Variants in PRKAA2 observed in about 807,000 individuals in gnomAD.
PRKAA2 encodes the protein protein kinase AMP-activated catalytic subunit alpha 2, also known as 5'-AMP-activated protein kinase catalytic subunit alpha-2.
A neutral mutation model predicts 56.3 loss-of-function variants in PRKAA2; 40 were observed. The ratio of observed to expected loss-of-function variants is 0.71; its 90% CI spans 0.55 to 0.92. The LOEUF is 0.92. PRKAA2 is among the 40% of genes least tolerant of loss of function. The pLI, the probability that PRKAA2 is intolerant of heterozygous loss-of-function variation, is 0.00. For synonymous variants in PRKAA2, 214 were observed against 234.2 expected, an observed-to-expected ratio of 0.91 and a Z score of 0.79; for missense variants, 542 against 686.9, an observed-to-expected ratio of 0.79 and a Z score of 2.36.
chr1:56,707,396 TC>T, intron 8 of PRKAA2, 78 bp from the exon 9 acceptor site: 2 of 1,197,784 alleles, frequency 1.7e-6, no homozygotes, highest in Non-Finnish European at 1.2e-6. Context: ...TACTTAATAT[TC>T]TGAATATCAT....
At chr1:56,658,588 C>CCT (rs1491216536) in intron 1 of PRKAA2, among the ~76,000 whole-genome samples, 1 of 33,194 alleles carries the variant, frequency 3.0e-5, no homozygotes, top group Non-Finnish European at 5.8e-5. Flanking sequence ...TTTTTTTCTT[C>CCT]CCCCCCCCCG....
chr1:56,687,630 A>T (rs1343230905), intron 2 of PRKAA2, among the ~76,000 whole-genome samples: 1 of 152,152 alleles, frequency 6.6e-6, no homozygotes, highest in African/African-American at 2.4e-5. Flanking sequence ...ATTAAATAAA[A>T]GGTCATTCAT....
intron 1 of PRKAA2, among the ~76,000 whole-genome samples, chr1:56,671,912 C>T (rs376166052): frequency 7.2e-5 from 11 of 152,150 alleles, no homozygotes; most frequent in Non-Finnish European, 7.3e-5. Context: ...ACATAATAAA[C>T]AATAAATGTC....
intron 1 of PRKAA2, among the ~76,000 whole-genome samples, chr1:56,647,573 C>T (rs1646653330): frequency 6.6e-6 from 1 of 152,156 alleles, no homozygotes; most frequent in Non-Finnish European, 1.5e-5. Flanking sequence ...GAACCTCTGT[C>T]CAATGAACAA....
rs574051921 is a variant in PRKAA2, at chr1:56,683,604, A to G, written c.237-7790A>G. 1.4e-4 allele frequency among the ~76,000 whole-genome samples: 21 copies of G among 152,238 alleles called. 2 individuals are homozygous for G. The South Asian group carries it at 2.7e-3, about 20-fold the overall frequency. ...CAAAATCCTTGCTATTATAGAGATT[A>G]TATTAGTGTGTGGTGGAGGGGTGGT... On this transcript the variant is annotated intron_variant, in intron 2 of 8. Coordinates refer to ENST00000371244, the MANE Select transcript of PRKAA2 (RefSeq NM_006252.4).
chr1:56,656,803 C>T (rs993438029), intron 1 of PRKAA2, among the ~76,000 whole-genome samples: 3 of 152,162 alleles, frequency 2.0e-5, no homozygotes, highest in Non-Finnish European at 4.4e-5. Flanking sequence ...GCCATCCTGA[C>T]GTTCTGTGTT....
rs1005523179 is a variant in PRKAA2 at position 56,654,605 on chromosome 1, G to A, written c.94+9124G>A. ...AAGAGAAATGTAAACCTTAAATCAG[G>A]CTTTTATTTTTATCTGTTATTGAAG... On this transcript the variant is annotated intron_variant, in intron 1 of 8. Coordinates refer to ENST00000371244, the MANE Select transcript of PRKAA2 (RefSeq NM_006252.4). 1.3e-5 allele frequency among the ~76,000 whole-genome samples: 2 copies of A among 152,170 alleles called. 1 individual carries two copies. The highest frequency in any genetic ancestry group is 4.1e-4 in the South Asian group (2 of 4,826).
At chr1:56,677,316 A>T (rs919383251) in intron 2 of PRKAA2, among the ~76,000 whole-genome samples, 1 of 152,182 alleles carries the variant, frequency 6.6e-6, no homozygotes, top group Non-Finnish European at 1.5e-5. Context: ...TGTATTATTC[A>T]TGACTTTGTT....
At chr1:56,692,028 A>ATTTTTTT (rs397863487) in intron 3 of PRKAA2, among the ~76,000 whole-genome samples, 2 of 112,802 alleles carry the variant, frequency 1.8e-5, no homozygotes, top group African/African-American at 3.4e-5. Context: ...GATGTCTCAG[A>ATTTTTTT]TTTTTTTTTT....
rs937857361 is a variant in PRKAA2 at position 56,712,357 on chromosome 1, G to T, written c.*4644G>T. 7 of 152,132 alleles carry T rather than the reference G, an allele frequency of 4.6e-5. No individual in the cohort carries two copies. Among genetic ancestry groups the T allele is most frequent in the African/African-American group, 1.4e-4 (6 of 41,424 alleles). 9.4% of individuals were successfully genotyped at this position (152,132 alleles called of 1,614,324 possible). ...TCAAGTCTTAGAGTGACATAAAGTA[G>T]TCTTAAATAAATAGTTCTTAGTTTA... On this transcript the variant is annotated 3_prime_UTR_variant, in exon 9 of 9. Transcript: ENST00000371244.
Position 56,645,352 on chromosome 1 carries a change from G to C in PRKAA2, c.-36G>C, listed in dbSNP as rs777390344. The C allele has an allele frequency of 1.4e-6, 2 of 1,428,042 alleles. No individual in the cohort carries two copies. Among genetic ancestry groups the C allele is most frequent in the East Asian group, 3.5e-5 (1 of 28,808 alleles). 88.5% of individuals were successfully genotyped at this position (1,428,042 alleles called of 1,614,324 possible). ...GCGGCGGCGGCGGCGGCTACGCGGA[G>C]CGGCAGGCGGTGGAGCGAGGCCGCG... On this transcript the variant is annotated 5_prime_UTR_variant, in exon 1 of 9. Transcript: ENST00000371244.
chr1:56,687,273 T>C (rs1644198220), intron 2 of PRKAA2, among the ~76,000 whole-genome samples: 2 of 152,106 alleles, frequency 1.3e-5, no homozygotes. Context: ...AACAATAGGA[T>C]TGAATCTCAA....
At position 56,655,280 on chromosome 1, in the gene PRKAA2, A is replaced by AT. The variant is rs1207874046; in HGVS notation, c.94+9815dup. On this transcript the variant is annotated intron_variant, in intron 1 of 8. Transcript: ENST00000371244. ...TGTATTTATATATCTATATATATAT[A>AT]TTTTTTTTTTTTTTTTGTAGAGACA... Among the ~76,000 whole-genome samples the AT allele has an allele frequency of 5.2e-3, 483 of 93,658 alleles. 4 individuals carry two copies. Among genetic ancestry groups the AT allele is most frequent in the South Asian group, 7.4e-3 (14 of 1,894 alleles). The allele number at this position is 93,658 out of a possible 152,430, so 61.4% of individuals were successfully genotyped here. A position where few individuals can be genotyped will look rare whatever the true frequency, so the allele number is the denominator to read the frequency against.
intron 2 of PRKAA2, among the ~76,000 whole-genome samples, chr1:56,675,439 T>C (rs1465172839): frequency 6.6e-6 from 1 of 152,128 alleles, no homozygotes; most frequent in Non-Finnish European, 1.5e-5. Context: ...GTAGGCTTAC[T>C]TTATAGACAA....
chr1:56,701,885 C>G lies in PRKAA2; in HGVS notation c.789-2086C>G, dbSNP rs1458507259. Among the ~76,000 whole-genome samples the G allele has an allele frequency of 3.3e-5, 5 of 150,740 alleles. No homozygotes were observed. The East Asian group carries it at 7.9e-4, about 24-fold the overall frequency. ...CTCCAGCCTGGGTGACTGAGCGAGACTCTGTCTCAAAAAAAAAAAGAAGTT... is the reference window on the plus strand; with the variant it reads ...CTCCAGCCTGGGTGACTGAGCGAGAGTCTGTCTCAAAAAAAAAAAGAAGTT... On this transcript the variant is annotated intron_variant, in intron 6 of 8. Transcript: ENST00000371244.
At chr1:56,672,821 G>A (rs577329949) in intron 1 of PRKAA2, among the ~76,000 whole-genome samples, 17 of 152,270 alleles carry the variant, frequency 1.1e-4, no homozygotes, top group African/African-American at 3.6e-4. Flanking sequence ...TTTAGGGATG[G>A]TGATAAGGGA....
chr1:56,677,871 G>C (rs530314064), intron 2 of PRKAA2, among the ~76,000 whole-genome samples: 1 of 152,178 alleles, frequency 6.6e-6, no homozygotes, highest in Non-Finnish European at 1.5e-5. Context: ...TGCCAGGCTG[G>C]TCTCGACCTC....
At chr1:56,706,882 T>G (rs1173468791) in intron 8 of PRKAA2, among the ~76,000 whole-genome samples, 3 of 152,124 alleles carry the variant, frequency 2.0e-5, no homozygotes, top group African/African-American at 7.2e-5. Flanking sequence ...GCATTTAAAT[T>G]TTACTCTTGA....
chr1:56,712,261 G>A lies in PRKAA2; in HGVS notation c.*4548G>A, dbSNP rs1157949360. 3 of 152,096 alleles carry A rather than the reference G, an allele frequency of 2.0e-5. No individual in the cohort carries two copies. Among genetic ancestry groups the A allele is most frequent in the African/African-American group, 7.2e-5 (3 of 41,418 alleles). 9.4% of individuals were successfully genotyped at this position (152,096 alleles called of 1,614,324 possible). On this transcript the variant is annotated 3_prime_UTR_variant, in exon 9 of 9. Coordinates refer to ENST00000371244, the MANE Select transcript of PRKAA2 (RefSeq NM_006252.4). ...TTTATAGGAAACCACCTTTCCTCTG[G>A]GGAAGAACAGTCTGAATTAATAAAA...
Sources: gnomAD v4.1 joint callset for allele counts (sites outside exome capture counted in the v4.1 genomes callset) on GRCh38, gnomAD v4.1.1 for gene constraint, MANE v1.5 for transcripts, NCBI Gene and HGNC (gene_info 2026-07-23, HGNC 2026-07-21) for gene names.